STK3: variants seen among roughly 807,000 people sequenced by gnomAD.
STK3 encodes the protein serine/threonine kinase 3.
STK3 carries 41 observed loss-of-function variants against 58.0 expected under a neutral mutation model. The observed-to-expected ratio is 0.71, with a 90% CI of 0.55 to 0.92. The LOEUF is 0.92. STK3 is among the 40% of genes least tolerant of loss of function. The pLI, the probability that STK3 is intolerant of heterozygous loss-of-function variation, is 0.00. For synonymous variants in STK3, 170 were observed against 191.0 expected, an observed-to-expected ratio of 0.89 and a Z score of 0.91; for missense variants, 479 against 602.7, an observed-to-expected ratio of 0.79 and a Z score of 2.15.
At chr8:98,823,410 T>A (rs986096469) in intron 1 of STK3, among the ~76,000 whole-genome samples, 7 of 152,130 alleles carry the variant, frequency 4.6e-5, no homozygotes, top group African/African-American at 1.7e-4. Context: ...AGAGGACCAC[T>A]ACATCATGGA....
At chr8:98,846,439 A>G (rs1335946377) in intron 3 of STK3, among the ~76,000 whole-genome samples, 1 of 152,200 alleles carries the variant, frequency 6.6e-6, no homozygotes, top group East Asian at 1.9e-4. Context: ...TTTAACTAAC[A>G]TTTATTAAGC....
intron 1 of STK3, among the ~76,000 whole-genome samples, chr8:98,805,792 C>G (rs1044768892): frequency 6.6e-6 from 1 of 151,632 alleles, no homozygotes; most frequent in African/African-American, 2.4e-5. Context: ...TGAGATAATA[C>G]AGGCCCTACC....
chr8:98,477,170 G>A (rs1821384519), intron 10 of STK3, among the ~76,000 whole-genome samples: 1 of 152,120 alleles, frequency 6.6e-6, no homozygotes, highest in African/African-American at 2.4e-5. Context: ...CCTCTGCCTT[G>A]TCACAGTTTC....
intron 9 of STK3, among the ~76,000 whole-genome samples, chr8:98,530,139 T>C (rs1826060793): frequency 6.6e-6 from 1 of 152,222 alleles, no homozygotes; most frequent in Non-Finnish European, 1.5e-5. Context: ...TTGTTTGCCT[T>C]CACAACGTCA....
At chr8:98,699,254 T>C (rs1383002741) in intron 6 of STK3, among the ~76,000 whole-genome samples, 3 of 151,920 alleles carry the variant, frequency 2.0e-5, no homozygotes, top group Non-Finnish European at 2.9e-5. Context: ...ATTCTAGTTA[T>C]ACATTCTTCT....
intron 3 of STK3, among the ~76,000 whole-genome samples, chr8:98,841,681 C>CAAAAAAAA (rs10605812): frequency 1.2e-5 from 1 of 86,712 alleles, no homozygotes; most frequent in African/African-American, 5.0e-5. Context: ...GACCTGGTCT[C>CAAAAAAAA]AAAAAAAAAA....
chr8:98,522,753 G>A (rs1214337367), intron 10 of STK3, among the ~76,000 whole-genome samples: 1 of 152,064 alleles, frequency 6.6e-6, no homozygotes, highest in Non-Finnish European at 1.5e-5. Context: ...CCATCTCGAT[G>A]AATTTGACTA....
intron 1 of STK3, among the ~76,000 whole-genome samples, chr8:98,382,815 G>A (rs151157719): frequency 4.1e-4 from 63 of 152,336 alleles, no homozygotes; most frequent in Middle Eastern, 3.4e-3. Context: ...TGATACGGCC[G>A]GTTCCTGGAA....
At chr8:98,614,546 A>T (rs1475322998) in intron 6 of STK3, among the ~76,000 whole-genome samples, 1 of 152,008 alleles carries the variant, frequency 6.6e-6, no homozygotes, top group Non-Finnish European at 1.5e-5. Context: ...CATCTGAGGT[A>T]CCGGGTTCAT....
chr8:98,916,999 T>C (rs1454343584), intron 1 of STK3, among the ~76,000 whole-genome samples: 1 of 152,160 alleles, frequency 6.6e-6, no homozygotes, highest in Non-Finnish European at 1.5e-5. Context: ...GGGAAGAGCA[T>C]CTGCACTTCT....
chr8:98,855,195 A>T (rs957636796), intron 3 of STK3, among the ~76,000 whole-genome samples: 12 of 152,242 alleles, frequency 7.9e-5, no homozygotes, highest in African/African-American at 2.9e-4. Flanking sequence ...TATAGAGTTC[A>T]AGGGATCCAG....
At chr8:98,904,696 C>T in intron 1 of STK3, 1 of 769,940 alleles carries the variant, frequency 1.3e-6, no homozygotes, top group Non-Finnish European at 2.2e-6. Flanking sequence ...CCTGAAATAA[C>T]TCACTCTCTG....
intron 7 of STK3, among the ~76,000 whole-genome samples, chr8:98,588,089 T>C (rs1814834310): frequency 6.6e-6 from 1 of 152,174 alleles, no homozygotes; most frequent in Non-Finnish European, 1.5e-5. Context: ...GAGCATTTGG[T>C]CCATTTACAT....
chr8:98,635,352 T>C (rs1819544124), intron 6 of STK3, among the ~76,000 whole-genome samples: 1 of 152,192 alleles, frequency 6.6e-6, no homozygotes, highest in African/African-American at 2.4e-5. Context: ...TTACAAAAAT[T>C]ATTTCTTTTA....
intron 4 of STK3, among the ~76,000 whole-genome samples, chr8:98,744,842 C>T (rs774230588): frequency 1.3e-5 from 2 of 151,370 alleles, no homozygotes; most frequent in Non-Finnish European, 2.9e-5. Flanking sequence ...GTAGGACAGG[C>T]TTATAAGCCA....
chr8:98,498,142 T>C (rs1430093778), intron 10 of STK3, among the ~76,000 whole-genome samples: 2 of 152,180 alleles, frequency 1.3e-5, no homozygotes, highest in Non-Finnish European at 2.9e-5. Flanking sequence ...TCTACCTTTT[T>C]TTTTTTAAAA....
chr8:98,700,465 G>A (rs1031690231), intron 6 of STK3, among the ~76,000 whole-genome samples: 1 of 152,204 alleles, frequency 6.6e-6, no homozygotes, highest in Non-Finnish European at 1.5e-5. Context: ...CGTCGCTCAC[G>A]CTGGGAGCTG....
chr8:98,916,382 C>T (rs934307715), intron 1 of STK3, among the ~76,000 whole-genome samples: 11 of 152,174 alleles, frequency 7.2e-5, no homozygotes, highest in Non-Finnish European at 1.3e-4. Context: ...CCACTGCACT[C>T]TAGCCTGGGT....
chr8:98,902,544 T>C lies in STK3; in HGVS notation c.-78-18710A>G, dbSNP rs970284888. 1.2e-4 allele frequency among the ~76,000 whole-genome samples: 19 copies of C among 152,286 alleles called. 1 individual carries two copies. The highest frequency in any genetic ancestry group is 9.8e-4 in the Admixed American group (15 of 15,300). On this transcript the variant is annotated intron_variant, in intron 1 of 1. Transcript: ENST00000519420. Reference sequence around the variant, plus strand: ...TCATCCTCTTCCCTCACCACGCCCATCCAGTTGATCACAAATCTCTCTCAA... The same window carrying C: ...TCATCCTCTTCCCTCACCACGCCCACCCAGTTGATCACAAATCTCTCTCAA...
Sources: allele counts gnomAD v4.1 joint callset (sites outside exome capture counted in the v4.1 genomes callset), GRCh38; gene constraint gnomAD v4.1.1; transcripts MANE v1.5; gene names NCBI Gene and HGNC (gene_info 2026-07-23, HGNC 2026-07-21).